Variants in TADA1 observed in about 807,000 individuals in gnomAD.
The protein encoded by TADA1 is transcriptional adaptor 1, also known as transcriptional adapter 1.
TADA1 carries 23 observed loss-of-function variants against 39.3 expected under a neutral mutation model. That is an observed-to-expected ratio of 0.58 (90% CI 0.42 to 0.83). TADA1 has a LOEUF of 0.83. TADA1 is among the 40% of genes least tolerant of loss of function. TADA1 has a pLI of 0.00. For synonymous variants in TADA1, 137 were observed against 151.8 expected, an observed-to-expected ratio of 0.90 and a Z score of 0.72; for missense variants, 352 against 408.1, an observed-to-expected ratio of 0.86 and a Z score of 1.18.
rs149282746 is a variant in TADA1 at position 166,872,508 on chromosome 1, C to T, written c.75-2654G>A. On this transcript the variant is annotated intron_variant, in intron 1 of 7. Coordinates refer to ENST00000367874, the MANE Select transcript of TADA1 (RefSeq NM_053053.4). ...CCAATATGATGAAACCCTGTCTCTA[C>T]TAAAAATACAAAAATTAGCCAGGTG... Among the ~76,000 whole-genome samples, 1,004 of 152,186 alleles carry T rather than the reference C, an allele frequency of 6.6e-3. 9 individuals carry two copies. The highest frequency in any genetic ancestry group is 0.023 in the African/African-American group (963 of 41,498).
chr1:166,867,009 C>T (rs1363149937), intron 3 of TADA1, among the ~76,000 whole-genome samples: 3 of 152,074 alleles, frequency 2.0e-5, no homozygotes, highest in African/African-American at 7.2e-5. Context: ...CCTCCCAAAG[C>T]GCTGGGATTA....
intron 5 of TADA1, among the ~76,000 whole-genome samples, chr1:166,860,798 T>C (rs1231322393): frequency 1.3e-5 from 2 of 152,054 alleles, no homozygotes; most frequent in Non-Finnish European, 2.9e-5. Flanking sequence ...GCCTCCCAAG[T>C]AGTTGGGATT....
At position 166,858,267 on chromosome 1, in the gene TADA1, G is replaced by A; in HGVS notation, c.707C>T (p.Thr236Ile). The A allele has an allele frequency of 6.4e-7, 1 of 1,558,370 alleles. No homozygotes were observed. ...NNLIESPPAF[T>I]APCAGQNPAS... ...TGGATTCTGACCAGCACAGGGAGCA[G>A]TAAAAGCTGGAGGGCTGAAAATAAA... Residue 236 changes from threonine (T) to isoleucine (I), a missense_variant, in exon 7 of 8, where the codon ACT (threonine) becomes ATT (isoleucine). This residue lies in a region of TADA1 where 285 missense variants were observed against 310.9 expected (regional missense o/e 0.92). Coordinates refer to ENST00000367874, the MANE Select transcript of TADA1 (RefSeq NM_053053.4).
intron 3 of TADA1, among the ~76,000 whole-genome samples, chr1:166,868,512 T>TAC (rs947707456): frequency 2.6e-5 from 4 of 152,212 alleles, no homozygotes; most frequent in Non-Finnish European, 4.4e-5. Context: ...TCATCTCCCT[T>TAC]ACCTTCTTCA....
At chr1:166,872,463 G>A (rs1040336302) in intron 1 of TADA1, among the ~76,000 whole-genome samples, 1 of 152,166 alleles carries the variant, frequency 6.6e-6, no homozygotes, top group Non-Finnish European at 1.5e-5. Flanking sequence ...CCTGAGGTCA[G>A]GAGTTTGAGA....
chr1:166,864,758 G>A (rs1266637593), intron 3 of TADA1, among the ~76,000 whole-genome samples: 2 of 152,192 alleles, frequency 1.3e-5, no homozygotes, highest in African/African-American at 4.8e-5. Context: ...CCCATGCACA[G>A]AATGACACAG....
intron 5 of TADA1, among the ~76,000 whole-genome samples, chr1:166,861,759 G>A (rs1658420571): frequency 6.6e-6 from 1 of 152,116 alleles, no homozygotes; most frequent in African/African-American, 2.4e-5. Flanking sequence ...CCTCTTAAAA[G>A]AAAACAACTT....
chr1:166,860,889 G>A (rs1191582636), intron 5 of TADA1, among the ~76,000 whole-genome samples: 1 of 152,060 alleles, frequency 6.6e-6, no homozygotes, highest in Non-Finnish European at 1.5e-5. Context: ...GGCTGGTCTC[G>A]AACTTCTGAC....
intron 1 of TADA1, among the ~76,000 whole-genome samples, chr1:166,872,609 T>C (rs1336995777): frequency 1.3e-5 from 2 of 151,866 alleles, no homozygotes; most frequent in African/African-American, 4.8e-5. Flanking sequence ...GAGGCAGAGG[T>C]TGCAGTGAGC....
intron 3 of TADA1, 84 bp from the exon 4 acceptor site, chr1:166,864,005 A>T: frequency 4.6e-6 from 5 of 1,092,498 alleles, no homozygotes; most frequent in Non-Finnish European, 6.7e-6. Flanking sequence ...GGTAAAAAGC[A>T]TGGAATGCTC....
chr1:166,858,413 G>C, intron 6 of TADA1, 132 bp from the exon 7 acceptor site: 2 of 564,438 alleles, frequency 3.5e-6, no homozygotes, highest in Non-Finnish European at 5.8e-6. Flanking sequence ...TACTCCTGTA[G>C]ACATGAATAA....
chr1:166,874,685 G>T (rs1006662268), intron 1 of TADA1, among the ~76,000 whole-genome samples: 8 of 152,102 alleles, frequency 5.3e-5, no homozygotes, highest in Non-Finnish European at 2.9e-5. Context: ...GCTCACAGCA[G>T]GGGAGGATCT....
At chr1:166,870,296 A>T (rs1225840071) in intron 1 of TADA1, among the ~76,000 whole-genome samples, 1 of 152,226 alleles carries the variant, frequency 6.6e-6, no homozygotes, top group African/African-American at 2.4e-5. Flanking sequence ...AGAAGAGGCA[A>T]TTAGGACACA....
intron 1 of TADA1, among the ~76,000 whole-genome samples, chr1:166,873,410 G>A (rs1658697204): frequency 6.6e-6 from 1 of 152,160 alleles, no homozygotes; most frequent in Non-Finnish European, 1.5e-5. Flanking sequence ...CCTGGAAGCA[G>A]CTTGGGCACA....
intron 2 of TADA1, 63 bp downstream of exon 2, chr1:166,869,700 A>T: frequency 6.5e-7 from 1 of 1,546,938 alleles, no homozygotes; most frequent in East Asian, 2.3e-5. Context: ...AAGGGAAAAG[A>T]CTTTACTACA....
In TADA1 at chr1:166,876,211, A is replaced by G; in HGVS notation, c.23T>C (p.Leu8Pro). The G allele has an allele frequency of 6.2e-7, 1 of 1,613,620 alleles. No homozygotes were observed. Among genetic ancestry groups the G allele is most frequent in the Non-Finnish European group, 8.5e-7 (1 of 1,179,848 alleles). Residue 8 changes from leucine (L) to proline (P), a missense_variant, in exon 1 of 8, where the codon CTG (leucine) becomes CCG (proline). Physicochemically the swap from Leu to Pro is moderately conservative, Grantham distance 98. Transcript: ENST00000367874. MATFVSE[L>P]EAAKKNLSEA... ...GCTTAAGTTCTTCTTGGCCGCCTCC[A>G]GCTCGCTCACAAAGGTCGCCATTGC...
At chr1:166,869,611 C>A in intron 2 of TADA1, 101 bp from the exon 3 acceptor site, 1 of 1,412,436 alleles carries the variant, frequency 7.1e-7, no homozygotes, top group Non-Finnish European at 9.9e-7. Flanking sequence ...ATCCCCTATT[C>A]TGCCATGCTT....
intron 1 of TADA1, among the ~76,000 whole-genome samples, chr1:166,874,752 G>A (rs755884605): frequency 1.1e-4 from 16 of 152,122 alleles, no homozygotes; most frequent in Non-Finnish European, 2.1e-4. Flanking sequence ...ACTGTACTTC[G>A]GCCTCTGCCA....
chr1:166,864,364 G>A (rs1277327760), intron 3 of TADA1, among the ~76,000 whole-genome samples: 3 of 152,168 alleles, frequency 2.0e-5, no homozygotes, highest in African/African-American at 7.2e-5. Flanking sequence ...ACGATGAGAT[G>A]TCAACAAATT....
Sources: gnomAD v4.1 joint callset for allele counts (sites outside exome capture counted in the v4.1 genomes callset) on GRCh38, gnomAD v4.1.1 for gene constraint, gnomAD v4.1.1 regional missense constraint, MANE v1.5 for transcripts, NCBI Gene and HGNC (gene_info 2026-07-23, HGNC 2026-07-21) for gene names.